PLEKHM3: variants seen among roughly 807,000 people sequenced by gnomAD.
The protein encoded by PLEKHM3 is pleckstrin homology domain-containing family M member 3.
PLEKHM3 carries 45 observed loss-of-function variants against 81.8 expected under a neutral mutation model. The ratio of observed to expected loss-of-function variants is 0.55; its 90% confidence interval spans 0.43 to 0.71. The LOEUF is 0.71. PLEKHM3 is among the 30% of genes least tolerant of loss of function. The pLI is 0.00. For missense variants in PLEKHM3, 788 were observed against 924.3 expected, an observed-to-expected ratio of 0.85 and a Z score of 1.91; for synonymous variants, 352 against 356.4, an observed-to-expected ratio of 0.99 and a Z score of 0.14.
At chr2:207,932,075 C>G (rs1689616841) in intron 4 of PLEKHM3, among the ~76,000 whole-genome samples, 1 of 152,232 alleles carries the variant, frequency 6.6e-6, no homozygotes, top group Non-Finnish European at 1.5e-5. Flanking sequence ...GACTAGCAAA[C>G]AAGCTCAAAT....
At chr2:208,018,113 G>T (rs780803898) in intron 1 of PLEKHM3, among the ~76,000 whole-genome samples, 1 of 152,088 alleles carries the variant, frequency 6.6e-6, no homozygotes, top group Non-Finnish European at 1.5e-5. Context: ...AGTGGTTCAC[G>T]CCTGTAATCC....
chr2:207,972,682 A>C (rs1035449322), intron 3 of PLEKHM3, among the ~76,000 whole-genome samples: 6 of 152,206 alleles, frequency 3.9e-5, no homozygotes, highest in Non-Finnish European at 8.8e-5. Context: ...ACAGTCACAC[A>C]TAATCAGATA....
intron 2 of PLEKHM3, among the ~76,000 whole-genome samples, chr2:207,979,992 A>G (rs1691466654): frequency 6.6e-6 from 1 of 152,194 alleles, no homozygotes; most frequent in Non-Finnish European, 1.5e-5. Flanking sequence ...TGATAATGCA[A>G]TAAGGGAGGC....
intron 4 of PLEKHM3, among the ~76,000 whole-genome samples, chr2:207,934,743 A>C (rs1187271798): frequency 1.3e-5 from 2 of 152,256 alleles, no homozygotes; most frequent in Non-Finnish European, 2.9e-5. Context: ...TCTGCTATTT[A>C]CACATATACA....
chr2:207,989,438 G>A (rs1691826876), intron 2 of PLEKHM3, among the ~76,000 whole-genome samples: 1 of 152,168 alleles, frequency 6.6e-6, no homozygotes, highest in South Asian at 2.1e-4. Context: ...GGGGTAAAGA[G>A]CATTCCAGAT....
chr2:207,896,002 T>C (rs940025751), intron 6 of PLEKHM3, among the ~76,000 whole-genome samples: 1 of 152,236 alleles, frequency 6.6e-6, no homozygotes, highest in Non-Finnish European at 1.5e-5. Context: ...GTGCTGAGCC[T>C]ACACTCAGCG....
intron 2 of PLEKHM3, among the ~76,000 whole-genome samples, chr2:207,995,085 T>A (rs1322630520): frequency 6.6e-6 from 1 of 152,124 alleles, no homozygotes; most frequent in Non-Finnish European, 1.5e-5. Context: ...TACAAACCCA[T>A]CAGGGTCGGT....
intron 7 of PLEKHM3, among the ~76,000 whole-genome samples, chr2:207,845,603 G>T (rs758937466): frequency 2.0e-5 from 3 of 151,988 alleles, no homozygotes; most frequent in Non-Finnish European, 2.9e-5. Context: ...ATATGATAAG[G>T]ATGTAAGCCA....
intron 4 of PLEKHM3, among the ~76,000 whole-genome samples, chr2:207,933,260 C>G (rs933654738): frequency 6.6e-6 from 1 of 152,178 alleles, no homozygotes; most frequent in African/African-American, 2.4e-5. Context: ...ATGCCAGATA[C>G]TGTAGCAGGC....
At chr2:207,953,568 C>T (rs1488323762) in intron 3 of PLEKHM3, among the ~76,000 whole-genome samples, 2 of 152,032 alleles carry the variant, frequency 1.3e-5, no homozygotes, top group African/African-American at 2.4e-5. Flanking sequence ...GTGGACAGAT[C>T]TCTTGGGGTC....
intron 7 of PLEKHM3, among the ~76,000 whole-genome samples, chr2:207,831,286 A>C (rs1481576562): frequency 6.6e-6 from 1 of 152,182 alleles, no homozygotes; most frequent in Non-Finnish European, 1.5e-5. Context: ...GGGATTGCCT[A>C]CCGGGGACGC....
Position 207,828,032 on chromosome 2 carries a change from GT to G in PLEKHM3, c.*286del, listed in dbSNP as rs2092261824. 2 of 213,742 alleles carry G rather than the reference GT, an allele frequency of 9.4e-6. No individual in the cohort carries two copies. Among genetic ancestry groups the G allele is most frequent in the Non-Finnish European group, 1.8e-5 (2 of 110,112 alleles). 13.2% of individuals were successfully genotyped at this position (213,742 alleles called of 1,614,324 possible). A position where few individuals can be genotyped will look rare whatever the true frequency, so the allele number is the denominator to read the frequency against. ...AACTATAAAGCATTGTGTATACCAC[GT>G]TTTGTCTGGGAGCAAGCAGCTGAAA... is the stretch of plus-strand genomic sequence containing the variant. On this transcript the variant is annotated 3_prime_UTR_variant, in exon 8 of 8. Transcript: ENST00000427836.
At chr2:207,913,933 A>G (rs1437233788) in intron 5 of PLEKHM3, among the ~76,000 whole-genome samples, 1 of 26,408 alleles carries the variant, frequency 3.8e-5, no homozygotes, top group Non-Finnish European at 1.0e-4. Context: ...GTGCATGAAA[A>G]CACACACACA....
At chr2:207,973,887 T>C (rs1691211600) in intron 3 of PLEKHM3, among the ~76,000 whole-genome samples, 1 of 152,154 alleles carries the variant, frequency 6.6e-6, no homozygotes. Flanking sequence ...TTCTTTCTTT[T>C]CTTTTTTTTT....
At chr2:207,894,783 C>G (rs1230407080) in intron 6 of PLEKHM3, among the ~76,000 whole-genome samples, 2 of 152,040 alleles carry the variant, frequency 1.3e-5, no homozygotes, top group African/African-American at 2.4e-5. Context: ...ACATTTCACA[C>G]AAAATTGAAA....
chr2:207,890,394 G>A (rs189812116), intron 6 of PLEKHM3, among the ~76,000 whole-genome samples: 111 of 152,264 alleles, frequency 7.3e-4, no homozygotes, highest in African/African-American at 2.5e-3. Context: ...TTGGAAGGCC[G>A]AGGTGGGTGG....
chr2:207,923,903 A>ATTT (rs1235482345), intron 5 of PLEKHM3, among the ~76,000 whole-genome samples: 36 of 59,820 alleles, frequency 6.0e-4, no homozygotes, highest in East Asian at 8.9e-4. Context: ...ATATATATAT[A>ATTT]TATTTTTTTT....
chr2:207,917,744 A>T (rs964375526), intron 5 of PLEKHM3, among the ~76,000 whole-genome samples: 6 of 152,142 alleles, frequency 3.9e-5, no homozygotes, highest in Non-Finnish European at 8.8e-5. Flanking sequence ...GCTACTCAGG[A>T]GGCTGAAGTA....
At chr2:207,958,023 T>A (rs1462262200) in intron 3 of PLEKHM3, among the ~76,000 whole-genome samples, 1 of 152,196 alleles carries the variant, frequency 6.6e-6, no homozygotes, top group Non-Finnish European at 1.5e-5. Flanking sequence ...TGGCCTAATA[T>A]GTCAATAACG....
Sources: gnomAD v4.1 joint callset for allele counts (sites outside exome capture counted in the v4.1 genomes callset) on GRCh38, gnomAD v4.1.1 for gene constraint, MANE v1.5 for transcripts, NCBI Gene and HGNC (gene_info 2026-07-23, HGNC 2026-07-21) for gene names.